PCSK5: variants seen among roughly 807,000 people sequenced by gnomAD.
PCSK5 encodes the protein prohormone convertase 5.
Under a neutral mutation model 233.2 loss-of-function variants are expected in PCSK5, and 129 were observed. The observed-to-expected ratio is 0.55, with a 90% CI of 0.48 to 0.64. The LOEUF (loss-of-function observed/expected upper bound fraction) is 0.64, where lower values mean the gene tolerates loss of function less well. PCSK5 is among the 30% of genes least tolerant of loss of function. PCSK5 has a pLI of 0.00. For synonymous variants in PCSK5, 825 were observed against 879.2 expected (o/e 0.94, Z 1.09); for missense variants, 2,076 against 2,430.1 (o/e 0.85, Z 3.06).
At chr9:76,056,455 G>A (rs919697737) in intron 5 of PCSK5, among the ~76,000 whole-genome samples, 42 of 152,044 alleles carry the variant, frequency 2.8e-4, no homozygotes, top group African/African-American at 9.2e-4. Flanking sequence ...GCAAGATACA[G>A]TGACCCCATG....
intron 30 of PCSK5, among the ~76,000 whole-genome samples, chr9:76,319,140 G>A (rs1351240572): frequency 6.6e-6 from 1 of 152,048 alleles, no homozygotes; most frequent in East Asian, 1.9e-4. Flanking sequence ...ACTTTTTAGG[G>A]AGACATGAGA....
intron 21 of PCSK5, among the ~76,000 whole-genome samples, chr9:76,229,425 A>G (rs1459390488): frequency 6.6e-6 from 1 of 152,246 alleles, no homozygotes; most frequent in Non-Finnish European, 1.5e-5. Context: ...TTGCCACTGT[A>G]TTTAACATGC....
rs553542037 is a variant in PCSK5, at chr9:76,046,559, C to CTTTTTTTTTTTT, written c.632+19530_632+19541dup. The stretch of plus-strand genomic sequence containing the variant: ...TAGTTCTTTTTTTTTCTTTCTTTTT[C>CTTTTTTTTTTTT]TTTTTTTTTTTTTTTTTTTGAGACG... On this transcript the variant is annotated intron_variant, in intron 5 of 37. Coordinates refer to ENST00000674117, the MANE Select transcript of PCSK5 (RefSeq NM_001372043.1). Among the ~76,000 whole-genome samples, 66 of 104,802 alleles carry CTTTTTTTTTTTT rather than the reference C, an allele frequency of 6.3e-4. 1 individual carries two copies. Among genetic ancestry groups the CTTTTTTTTTTTT allele is most frequent in the Non-Finnish European group, 1.0e-3 (54 of 51,782 alleles). The allele number at this position is 104,802 out of a possible 152,430, so 68.8% of individuals were successfully genotyped here.
chr9:75,917,150 C>T (rs143128615), intron 1 of PCSK5, among the ~76,000 whole-genome samples: 62 of 125,340 alleles, frequency 4.9e-4, no homozygotes, highest in Non-Finnish European at 6.8e-4. Flanking sequence ...TCCTGGGCAA[C>T]GAAGAGAGAC....
intron 34 of PCSK5, among the ~76,000 whole-genome samples, chr9:76,334,473 C>T (rs1829621443): frequency 6.6e-6 from 1 of 152,202 alleles, no homozygotes; most frequent in African/African-American, 2.4e-5. Context: ...TGGCTCACGC[C>T]TATAATCCCA....
intron 2 of PCSK5, among the ~76,000 whole-genome samples, chr9:75,956,935 C>T (rs1825120680): frequency 6.6e-6 from 1 of 152,000 alleles, no homozygotes; most frequent in Non-Finnish European, 1.5e-5. Flanking sequence ...TATTATTTCT[C>T]CCCAGCAGAT....
intron 1 of PCSK5, among the ~76,000 whole-genome samples, chr9:75,899,621 A>C (rs1825944325): frequency 6.6e-6 from 1 of 152,144 alleles, no homozygotes. Flanking sequence ...TATAAGCGGG[A>C]TCATCAGCAT....
In PCSK5 at chr9:75,901,751, T is replaced by C. The variant is rs78987602; in HGVS notation, c.192+10378T>C. Among the ~76,000 whole-genome samples the C allele has an allele frequency of 9.9e-4, 151 of 152,232 alleles. 4 individuals carry two copies. The East Asian group carries it at 0.026, about 26-fold the overall frequency. On this transcript the variant is annotated intron_variant, in intron 1 of 37. Coordinates refer to ENST00000674117, the MANE Select transcript of PCSK5 (RefSeq NM_001372043.1). The stretch of plus-strand genomic sequence containing the variant: ...TTTAGGAAATGCTGATAACAATTAA[T>C]GATTGATGACTATATAAAAATGTAC...
At chr9:76,199,670 T>TC (rs1824843666) in intron 20 of PCSK5, among the ~76,000 whole-genome samples, 1 of 152,216 alleles carries the variant, frequency 6.6e-6, no homozygotes, top group African/African-American at 2.4e-5. Flanking sequence ...GTGGATGTCT[T>TC]CCTGGATATC....
intron 24 of PCSK5, among the ~76,000 whole-genome samples, chr9:76,271,583 C>T (rs529937244): frequency 1.4e-4 from 22 of 152,036 alleles, no homozygotes; most frequent in Non-Finnish European, 3.1e-4. Context: ...CACCTGTAAT[C>T]TCAGCACTTT....
rs1260162319 is a variant in PCSK5, at chr9:76,360,396, C to T, written c.*1474C>T. 1 of 152,050 alleles carries T rather than the reference C, an allele frequency of 6.6e-6. No homozygotes were observed. The highest frequency in any genetic ancestry group is 2.4e-5 in the African/African-American group (1 of 41,404). 9.4% of individuals were successfully genotyped at this position (152,050 alleles called of 1,614,324 possible). A position where few individuals can be genotyped will look rare whatever the true frequency, so the allele number is the denominator to read the frequency against. ...AGGTCATGCAAAGCTCAACAAAATT[C>T]AAGAAAAAAGAATGATCACCCTAAA... On this transcript the variant is annotated 3_prime_UTR_variant, in exon 38 of 38. Coordinates refer to ENST00000674117, the MANE Select transcript of PCSK5 (RefSeq NM_001372043.1).
intron 5 of PCSK5, among the ~76,000 whole-genome samples, chr9:76,060,691 C>T (rs1440287329): frequency 6.6e-6 from 1 of 152,084 alleles, no homozygotes; most frequent in East Asian, 1.9e-4. Context: ...GATGAGTAAT[C>T]AGAGTTGAAT....
At chr9:76,323,958 T>C (rs1305020857) in intron 32 of PCSK5, among the ~76,000 whole-genome samples, 2 of 133,974 alleles carry the variant, frequency 1.5e-5, no homozygotes, top group Non-Finnish European at 3.2e-5. Context: ...TGAGACAGAG[T>C]CTCACTCTGT....
At chr9:76,163,185 T>C (rs918098992) in intron 12 of PCSK5, among the ~76,000 whole-genome samples, 1 of 152,248 alleles carries the variant, frequency 6.6e-6, no homozygotes, top group Non-Finnish European at 1.5e-5. Flanking sequence ...GACATTTCAG[T>C]GAGGAATTTC....
intron 9 of PCSK5, among the ~76,000 whole-genome samples, chr9:76,127,621 T>C (rs1290644016): frequency 6.6e-6 from 1 of 152,218 alleles, no homozygotes; most frequent in East Asian, 1.9e-4. Flanking sequence ...AAAAAACATA[T>C]TACTAAAGTT....
chr9:76,245,052 G>A (rs1340649306), intron 24 of PCSK5, among the ~76,000 whole-genome samples: 2 of 152,104 alleles, frequency 1.3e-5, no homozygotes, highest in African/African-American at 2.4e-5. Flanking sequence ...ATGTTTTGAG[G>A]CACATTTTTT....
At chr9:76,122,816 C>CTTTTTTTTTTCTTTTTTTTTTTTTT (rs1832694314) in intron 9 of PCSK5, among the ~76,000 whole-genome samples, 1 of 130,516 alleles carries the variant, frequency 7.7e-6, no homozygotes, top group Non-Finnish European at 1.6e-5. Context: ...CTTATTTTTT[C>CTTTTTTTTTTCTTTTTTTTTTTTTT]TTTTTTTTTT....
intron 3 of PCSK5, among the ~76,000 whole-genome samples, chr9:75,994,400 C>CTTTTTTTTTTTTTTTTTTTT (rs550518074): frequency 1.1e-4 from 9 of 82,060 alleles, no homozygotes; most frequent in Admixed American, 1.6e-4. Flanking sequence ...TTCTTTCTTT[C>CTTTTTTTTTTTTTTTTTTTT]TTTTTTTTTT....
At chr9:76,231,991 C>T (rs919424561) in intron 21 of PCSK5, among the ~76,000 whole-genome samples, 7 of 152,162 alleles carry the variant, frequency 4.6e-5, no homozygotes, top group African/African-American at 1.7e-4. Context: ...CAAACAGATG[C>T]AAATGACACA....
Sources: gnomAD v4.1 joint callset for allele counts (sites outside exome capture counted in the v4.1 genomes callset) on GRCh38, gnomAD v4.1.1 for gene constraint, MANE v1.5 for transcripts, NCBI Gene and HGNC (gene_info 2026-07-23, HGNC 2026-07-21) for gene names.